Variants in GALNT7 observed in about 807,000 individuals in gnomAD.
GALNT7 encodes polypeptide N-acetylgalactosaminyltransferase 7.
Under a neutral mutation model 82.1 loss-of-function variants are expected in GALNT7, and 60 were observed. The observed-to-expected ratio is 0.73, with a 90% confidence interval of 0.59 to 0.91. GALNT7 has a LOEUF of 0.91. Among genes scored for constraint, GALNT7 ranks in the 40% least tolerant of loss-of-function variants. GALNT7 has a pLI of 0.00. For synonymous variants in GALNT7, 243 were observed against 275.1 expected (o/e 0.88, Z 1.15); for missense variants, 660 against 804.2 (o/e 0.82, Z 2.17).
intron 1 of GALNT7, among the ~76,000 whole-genome samples, chr4:173,199,223 C>A (rs1176924288): frequency 6.6e-6 from 1 of 152,140 alleles, no homozygotes; most frequent in Non-Finnish European, 1.5e-5. Context: ...GACTCAACAT[C>A]TAGGGGATTG....
chr4:173,232,297 C>CTA (rs1734054641), intron 1 of GALNT7, among the ~76,000 whole-genome samples: 1 of 151,916 alleles, frequency 6.6e-6, no homozygotes, highest in Non-Finnish European at 1.5e-5. Context: ...CTGACATATA[C>CTA]TAGAAAGCAG....
chr4:173,275,219 A>G (rs1402871084), intron 2 of GALNT7, among the ~76,000 whole-genome samples: 1 of 152,152 alleles, frequency 6.6e-6, no homozygotes, highest in Non-Finnish European at 1.5e-5. Context: ...CAGAGTTTAT[A>G]CACATTATTT....
At chr4:173,183,895 G>T (rs1293638324) in intron 1 of GALNT7, among the ~76,000 whole-genome samples, 1 of 150,886 alleles carries the variant, frequency 6.6e-6, no homozygotes, top group Non-Finnish European at 1.5e-5. Flanking sequence ...GGCGGCTGCC[G>T]GGTGGAGGGG....
chr4:173,292,161 T>C lies in GALNT7; in HGVS notation c.641T>C (p.Val214Ala). 6.2e-7 allele frequency: 1 copy of C among 1,609,128 alleles called. No homozygotes were observed. The highest frequency in any genetic ancestry group is 8.5e-7 in the Non-Finnish European group (1 of 1,176,880). ...ENLLTSSVVI[V>A]FHNEGWSTLM... ...TTGCTCACTTCGAGCGTTGTCATTG[T>C]CTTCCATAATGAAGGATGGTCAACC... is the stretch of plus-strand genomic sequence containing the variant. The change falls in exon 3 of 12, where the codon GTC becomes GCC. Residue 214 changes from valine (V) to alanine (A), a missense_variant. Val to Ala is a moderately conservative substitution (Grantham distance 64). Transcript: ENST00000265000. The surrounding 1 kb of genome is among the most constrained non-coding windows in gnomAD (Gnocchi z 4.8).
At chr4:173,248,895 G>A (rs57476920) in intron 2 of GALNT7, among the ~76,000 whole-genome samples, 2,695 of 151,636 alleles carry the variant, frequency 0.018, 62 homozygotes, top group African/African-American at 0.051. Flanking sequence ...CAGTGTTCTG[G>A]GTGTCTCACA....
intron 1 of GALNT7, among the ~76,000 whole-genome samples, chr4:173,233,829 C>T (rs1374506791): frequency 6.6e-6 from 1 of 152,178 alleles, no homozygotes; most frequent in Non-Finnish European, 1.5e-5. Context: ...CAAGCTTTTC[C>T]TATTAAAAAC....
chr4:173,169,864 C>T (rs1446641700), intron 1 of GALNT7, among the ~76,000 whole-genome samples: 2 of 151,988 alleles, frequency 1.3e-5, no homozygotes, highest in African/African-American at 2.4e-5. Context: ...CGCCCGGCCG[C>T]CCCGCGCCGG....
At position 173,322,402 on chromosome 4, in the gene GALNT7, T is replaced by C. The variant is rs1344163356; in HGVS notation, c.*685T>C. 6.6e-6 allele frequency: 1 copy of C among 152,622 alleles called. No individual in the cohort carries two copies. The highest frequency in any genetic ancestry group is 1.5e-5 in the Non-Finnish European group (1 of 68,068). 9.5% of individuals were successfully genotyped at this position (152,622 alleles called of 1,614,324 possible). The stretch of plus-strand genomic sequence containing the variant: ...TGCCATTTGCTATAAAGTTGAACTT[T>C]GTATGGCTTGAAAAAGAAATGACAA... On this transcript the variant is annotated 3_prime_UTR_variant, in exon 12 of 12. Transcript: ENST00000265000.
intron 1 of GALNT7, among the ~76,000 whole-genome samples, chr4:173,200,465 A>G: frequency 6.6e-6 from 1 of 152,118 alleles, no homozygotes; most frequent in Non-Finnish European, 1.5e-5. Context: ...AAAAAAAAGA[A>G]TATCTCGCTT....
At chr4:173,275,901 G>A (rs868702874) in intron 2 of GALNT7, among the ~76,000 whole-genome samples, 2 of 152,168 alleles carry the variant, frequency 1.3e-5, no homozygotes, top group East Asian at 1.9e-4. Flanking sequence ...TGGGCATGAT[G>A]AGCTAAAGCC....
chr4:173,235,704 C>T (rs1401343471), intron 1 of GALNT7, among the ~76,000 whole-genome samples: 2 of 152,034 alleles, frequency 1.3e-5, no homozygotes, highest in East Asian at 1.9e-4. Context: ...TACAGGCACC[C>T]ACCACCACGC....
At chr4:173,259,848 G>A (rs529228562) in intron 2 of GALNT7, among the ~76,000 whole-genome samples, 103 of 152,128 alleles carry the variant, frequency 6.8e-4, no homozygotes, top group Admixed American at 1.2e-3. Context: ...TTGTTGGCCA[G>A]GCTGGTCTCG....
chr4:173,209,084 A>C (rs557838149), intron 1 of GALNT7, among the ~76,000 whole-genome samples: 1 of 152,234 alleles, frequency 6.6e-6, no homozygotes, highest in Non-Finnish European at 1.5e-5. Context: ...GAATTCTTAC[A>C]TATATTTGTG....
At chr4:173,206,180 G>A (rs376774363) in intron 1 of GALNT7, among the ~76,000 whole-genome samples, 36 of 152,258 alleles carry the variant, frequency 2.4e-4, no homozygotes, top group African/African-American at 7.0e-4. Flanking sequence ...TCATTTTGCC[G>A]GCAGATCCAA....
chr4:173,258,696 C>T (rs111572071), intron 2 of GALNT7, among the ~76,000 whole-genome samples: 303 of 152,246 alleles, frequency 2.0e-3, no homozygotes, highest in African/African-American at 7.0e-3. Context: ...AAGTGAGGCT[C>T]AGAGAACTAG....
chr4:173,197,758 G>C (rs1002009847), intron 1 of GALNT7, among the ~76,000 whole-genome samples: 2 of 152,154 alleles, frequency 1.3e-5, no homozygotes, highest in Non-Finnish European at 2.9e-5. Flanking sequence ...AGAAGTGGGG[G>C]GATGAAGACG....
intron 9 of GALNT7, among the ~76,000 whole-genome samples, chr4:173,314,420 C>T (rs1400755986): frequency 1.3e-5 from 2 of 152,204 alleles, no homozygotes; most frequent in South Asian, 4.1e-4. Context: ...TTCACTCCAG[C>T]TCCTGGCGCC....
At chr4:173,215,784 C>G (rs956909829) in intron 1 of GALNT7, among the ~76,000 whole-genome samples, 33 of 152,206 alleles carry the variant, frequency 2.2e-4, no homozygotes, top group African/African-American at 7.9e-4. Context: ...AAAATATGAA[C>G]TACATTTTTA....
intron 1 of GALNT7, among the ~76,000 whole-genome samples, chr4:173,172,284 G>A (rs756132224): frequency 6.6e-6 from 1 of 152,222 alleles, no homozygotes; most frequent in Non-Finnish European, 1.5e-5. Flanking sequence ...CAGCAGCGGG[G>A]AGGGGCTGCC....
Sources: gnomAD v4.1 joint callset for allele counts (sites outside exome capture counted in the v4.1 genomes callset) on GRCh38, gnomAD v4.1.1 for gene constraint, Gnocchi (gnomAD v3.1) non-coding constraint, MANE v1.5 for transcripts, NCBI Gene and HGNC (gene_info 2026-07-23, HGNC 2026-07-21) for gene names.